HYDIN: variants seen among roughly 807,000 people sequenced by gnomAD.
The protein encoded by HYDIN is HYDIN axonemal central pair apparatus protein, also known as axonemal central pair apparatus protein HYDIN.
In HYDIN, 132 loss-of-function variants were observed where a neutral mutation model predicts 403.9. The observed-to-expected ratio is 0.33, with a 90% CI of 0.28 to 0.38. HYDIN has a LOEUF of 0.38. Among genes scored for constraint, HYDIN ranks in the 10% least tolerant of loss-of-function variants. The probability of loss-of-function intolerance (pLI) is 1.00; values close to 1 mark genes in which losing one functional copy is unlikely to be tolerated. For synonymous variants in HYDIN, 1,202 were observed against 1,891.7 expected (o/e 0.64, Z 9.46); for missense variants, 2,827 against 5,009.5 (o/e 0.56, Z 13.15).
At chr16:71,163,719 T>C (rs897686512) in intron 5 of HYDIN, among the ~76,000 whole-genome samples, 89 of 152,202 alleles carry the variant, frequency 5.8e-4, no homozygotes, top group Non-Finnish European at 1.1e-3. Flanking sequence ...TCCCCAGATA[T>C]GTGAGCCTAG....
chr16:70,816,065 C>A (rs1314919117), intron 84 of HYDIN, among the ~76,000 whole-genome samples: 1 of 151,992 alleles, frequency 6.6e-6, no homozygotes, highest in Non-Finnish European at 1.5e-5. Flanking sequence ...GCTGAGATTG[C>A]GCCACTGCAC....
chr16:70,862,126 G>C lies in HYDIN; in HGVS notation c.11699C>G (p.Pro3900Arg). 6.2e-7 allele frequency: 1 copy of C among 1,612,062 alleles called. No individual in the cohort carries two copies. Among genetic ancestry groups the C allele is most frequent in the Non-Finnish European group, 8.5e-7 (1 of 1,179,160 alleles). Residue 3900 changes from proline (P) to arginine (R), a missense_variant, in exon 69 of 86, where the codon CCG becomes CGG. Transcript: ENST00000393567. Reference sequence around the variant, plus strand: ...TTTGAACTTCTGAATCTTCCCCACCGGCACGATTCCCGAAGAGGGCTCCAC... The same window carrying C: ...TTTGAACTTCTGAATCTTCCCCACCCGCACGATTCCCGAAGAGGGCTCCAC... ...FSVEPSSGIV[P>R]VGKIQKFKVK... is the part of the protein sequence containing the mutation.
intron 45 of HYDIN, among the ~76,000 whole-genome samples, chr16:70,933,890 T>C (rs1297396925): frequency 1.3e-5 from 2 of 152,076 alleles, no homozygotes; most frequent in Non-Finnish European, 2.9e-5. Flanking sequence ...CCATTATGTA[T>C]GATCAGGTAG....
chr16:71,034,327 T>C (rs931498938), intron 18 of HYDIN, among the ~76,000 whole-genome samples: 17 of 152,108 alleles, frequency 1.1e-4, no homozygotes, highest in African/African-American at 3.9e-4. Context: ...GGAAACCTCC[T>C]GACAAACTTA....
At chr16:70,842,232 T>C (rs2037877408) in intron 75 of HYDIN, among the ~76,000 whole-genome samples, 1 of 152,034 alleles carries the variant, frequency 6.6e-6, no homozygotes, top group Non-Finnish European at 1.5e-5. Context: ...TCAAGTCTTC[T>C]TATTTCCTTG....
chr16:70,939,339 T>C (rs1376472278), intron 43 of HYDIN, among the ~76,000 whole-genome samples: 3 of 152,246 alleles, frequency 2.0e-5, no homozygotes, highest in Non-Finnish European at 2.9e-5. Context: ...TGCCTCGTTT[T>C]CCAGAAAGTT....
At chr16:71,216,344 G>A (rs2088880417) in intron 1 of HYDIN, among the ~76,000 whole-genome samples, 1 of 152,136 alleles carries the variant, frequency 6.6e-6, no homozygotes, top group Admixed American at 6.5e-5. Context: ...GGGCAGAAAA[G>A]CAACATGAAA....
In HYDIN at chr16:70,807,769, T is replaced by G. The variant is rs761262344; in HGVS notation, c.15177A>C (p.Pro5059=). The change falls in exon 86 of 86, where the codon CCA becomes CCC. Residue 5059 remains proline, a synonymous_variant. Coordinates refer to ENST00000393567, the MANE Select transcript of HYDIN (RefSeq NM_001270974.2). The part of the protein sequence containing the change: ...MVTFSIIVDN[P]AFTIRAGESV... The stretch of plus-strand genomic sequence containing the variant: ...ACTCTCCAGCGCGAATGGTGAAGGC[T>G]GGGTTATCCACGATGATGGAGAAGG... 6.2e-7 allele frequency: 1 copy of G among 1,614,048 alleles called. No individual in the cohort carries two copies. Among genetic ancestry groups the G allele is most frequent in the Non-Finnish European group, 8.5e-7 (1 of 1,180,034 alleles).
At chr16:71,227,921 C>T (rs1262404572) in intron 1 of HYDIN, among the ~76,000 whole-genome samples, 2 of 152,274 alleles carry the variant, frequency 1.3e-5, no homozygotes, top group Non-Finnish European at 2.9e-5. Flanking sequence ...TACTACAAGG[C>T]TACAGTAACC....
chr16:70,970,737 A>G lies in HYDIN; in HGVS notation c.5402T>C (p.Val1801Ala). ...KEEKFYSQTL[V>A]FQIAQSAQKL... ...TTGAGCACTCTGGGCAATCTGAAAC[A>G]CCAGGGTTTGGCTGTAGAATTTCTG... Residue 1801 changes from valine to alanine, a missense_variant, in exon 36 of 86, where the codon GTG (valine) becomes GCG (alanine). Physicochemically the swap from Val to Ala is moderately conservative, Grantham distance 64. Transcript: ENST00000393567. 6.4e-7 allele frequency: 1 copy of G among 1,569,266 alleles called. No individual in the cohort carries two copies. Among genetic ancestry groups the G allele is most frequent in the Non-Finnish European group, 8.6e-7 (1 of 1,157,708 alleles).
intron 84 of HYDIN, among the ~76,000 whole-genome samples, chr16:70,812,359 C>G (rs1360751198): frequency 6.6e-6 from 1 of 151,696 alleles, no homozygotes; most frequent in African/African-American, 2.4e-5. Context: ...CATGGTGGCG[C>G]ATATCTGTAA....
chr16:71,161,575 G>A lies in HYDIN; in HGVS notation c.716+956C>T, dbSNP rs183482010. 2.2e-3 allele frequency among the ~76,000 whole-genome samples: 333 copies of A among 152,258 alleles called. 2 individuals are homozygous for A. The highest frequency in any genetic ancestry group is 7.8e-3 in the African/African-American group (326 of 41,540). On this transcript the variant is annotated intron_variant, in intron 6 of 85. Transcript: ENST00000393567. ...TCCCTCGGTTTTCTCATCCTCCAAA[G>A]CCAGCAACAGCAGATTGAGTCCCTC...
At chr16:71,044,068 G>T (rs1206809474) in intron 18 of HYDIN, among the ~76,000 whole-genome samples, 1 of 151,410 alleles carries the variant, frequency 6.6e-6, no homozygotes. Context: ...GCCCACCAAA[G>T]GCCACCAGAC....
In HYDIN at chr16:71,000,090, T is replaced by C. The variant is rs2079654307; in HGVS notation, c.3645-7880A>G. 3.3e-5 allele frequency among the ~76,000 whole-genome samples: 5 copies of C among 150,982 alleles called. No individual in the cohort carries two copies. The South Asian group carries it at 1.0e-3, about 32-fold the overall frequency. ...CTTTTAATGTCTGGCTTTCAGTAGA[T>C]TGTAGCTAGCTTTGGGAGGATTTTA... On this transcript the variant is annotated intron_variant, in intron 23 of 85. Transcript: ENST00000393567.
At chr16:71,169,395 A>T (rs6499489) in intron 5 of HYDIN, among the ~76,000 whole-genome samples, 76,623 of 152,006 alleles carry the variant, frequency 0.5, 23,501 homozygotes, top group African/African-American at 0.86. Context: ...ATTGCCCCAC[A>T]GCACTCCAGC....
chr16:70,855,745 G>A (rs1406512153), intron 72 of HYDIN, among the ~76,000 whole-genome samples: 3 of 152,226 alleles, frequency 2.0e-5, no homozygotes, highest in East Asian at 3.8e-4. Context: ...ATCATCTTAC[G>A]CTTTCCTCTT....
In HYDIN at chr16:71,104,185, T is replaced by C. The variant is rs372555212; in HGVS notation, c.1328-10250A>G. On this transcript the variant is annotated intron_variant, in intron 10 of 85. Transcript: ENST00000393567. Reference sequence around the variant, plus strand: ...ACAGATTTTGATTCAATAAAACATATATAAAACCCAAGAATCTACATTCTT... The same window carrying C: ...ACAGATTTTGATTCAATAAAACATACATAAAACCCAAGAATCTACATTCTT... 7.1e-4 allele frequency among the ~76,000 whole-genome samples: 108 copies of C among 151,848 alleles called. No homozygotes were observed. The South Asian group carries it at 0.021, about 30-fold the overall frequency.
In HYDIN at chr16:71,210,525, G is replaced by A. The variant is rs576721303; in HGVS notation, c.-24+20037C>T. On this transcript the variant is annotated intron_variant, in intron 1 of 85. Transcript: ENST00000393567. ...CTTGAGGGAGGAGGGTGGGAGGAGT[G>A]AGAGGTTCAGAAAAAAAAAAGCTTT... Among the ~76,000 whole-genome samples the A allele has an allele frequency of 4.6e-5, 7 of 151,926 alleles. 1 individual carries two copies. In the South Asian group the frequency reaches 1.5e-3, roughly 32 times the overall value.
rs930202581 is a variant in HYDIN at position 71,191,985 on chromosome 16, G to T, written c.-23-5067C>A. On this transcript the variant is annotated intron_variant, in intron 1 of 85. Transcript: ENST00000393567. ...TACTATGTGCCTGACAATGTTCCAA[G>T]CATTATATGTTTTAGTTACTTTAAT... 9.9e-5 allele frequency among the ~76,000 whole-genome samples: 15 copies of T among 152,106 alleles called. No individual in the cohort carries two copies. The South Asian group carries it at 2.5e-3, about 25-fold the overall frequency.
Sources: gnomAD v4.1 joint callset for allele counts (sites outside exome capture counted in the v4.1 genomes callset) on GRCh38, gnomAD v4.1.1 for gene constraint, MANE v1.5 for transcripts, NCBI Gene and HGNC (gene_info 2026-07-23, HGNC 2026-07-21) for gene names.